Variants in CTH observed in about 807,000 individuals in gnomAD.
CTH encodes cystathionine gamma-lyase.
Under a neutral mutation model 50.6 loss-of-function variants are expected in CTH, and 41 were observed. That is an observed-to-expected ratio of 0.81 (90% CI 0.63 to 1.05). CTH has a LOEUF of 1.05. CTH is among the 50% of genes least tolerant of loss of function. CTH has a pLI of 0.00. For synonymous variants in CTH, 156 were observed against 168.9 expected (o/e 0.92, Z 0.59); for missense variants, 470 against 492.6 (o/e 0.95, Z 0.43).
chr1:70,438,680 T>G lies in CTH; in HGVS notation c.1053-8T>G. ...AGTGATCAAAAATTTGCTCATGTCT[T>G]CTTTCAGGGCAATCATGACTCATGC... is the stretch of plus-strand genomic sequence containing the variant. On this transcript the variant is annotated splice_polypyrimidine_tract_variant and splice_region_variant and intron_variant, in intron 10 of 11. Transcript: ENST00000370938. 1.2e-6 allele frequency: 2 copies of G among 1,614,116 alleles called. No individual in the cohort carries two copies. The highest frequency in any genetic ancestry group is 4.5e-5 in the East Asian group (2 of 44,870).
intron 10 of CTH, among the ~76,000 whole-genome samples, chr1:70,435,675 T>C (rs904724840): frequency 3.3e-5 from 5 of 152,014 alleles, no homozygotes; most frequent in African/African-American, 1.2e-4. Context: ...TGTCTTCATG[T>C]TGTGTACAAG....
chr1:70,438,801 A>G lies in CTH; in HGVS notation c.1166A>G (p.Asp389Gly). The G allele has an allele frequency of 6.2e-7, 1 of 1,613,748 alleles. No homozygotes were observed. The highest frequency in any genetic ancestry group is 8.5e-7 in the Non-Finnish European group (1 of 1,179,976). The change falls in exon 11 of 12, where the codon GAT (aspartate) becomes GGT (glycine). Residue 389 changes from aspartate to glycine, a missense_variant. Coordinates refer to ENST00000370938, the MANE Select transcript of CTH (RefSeq NM_001902.6). ...GLEDEEDLLEDLDQALKAAHP... is the reference protein window; with the variant it reads ...GLEDEEDLLEGLDQALKAAHP... ...GAGGATGAGGAAGACCTACTGGAAG[A>G]TCTAGATCAAGCTTTGAAGGCAGCA...
At chr1:70,417,485 C>T (rs1375087187) in intron 2 of CTH, among the ~76,000 whole-genome samples, 12 of 151,632 alleles carry the variant, frequency 7.9e-5, no homozygotes, top group Admixed American at 7.9e-4. Context: ...GAGTTTCACC[C>T]TGTTGGCCAG....
chr1:70,411,849 T>G (rs1683972586), intron 1 of CTH, among the ~76,000 whole-genome samples: 1 of 152,180 alleles, frequency 6.6e-6, no homozygotes, highest in Non-Finnish European at 1.5e-5. Context: ...TTTGACAAAT[T>G]TGCAATTAAA....
chr1:70,427,347 C>A (rs1684366931), intron 5 of CTH, among the ~76,000 whole-genome samples: 1 of 152,108 alleles, frequency 6.6e-6, no homozygotes, highest in Admixed American at 6.6e-5. Flanking sequence ...CCTTTCCTCA[C>A]CTGTATGATG....
intron 4 of CTH, among the ~76,000 whole-genome samples, 200 bp from the exon 5 acceptor site, chr1:70,424,085 A>G (rs1326592623): frequency 6.6e-6 from 1 of 152,210 alleles, no homozygotes; most frequent in East Asian, 1.9e-4. Flanking sequence ...CAACCCAATT[A>G]TACAGATCAA....
At chr1:70,432,267 T>C (rs374972351) in intron 8 of CTH, 32 bp downstream of exon 8, 2 of 1,611,678 alleles carry the variant, frequency 1.2e-6, no homozygotes, top group African/African-American at 1.3e-5. Flanking sequence ...GCAGATCTAC[T>C]AGGATTTCAG....
Position 70,430,302 on chromosome 1 carries a change from GT to G in CTH, c.647-9del. ...AACTGAAATTTTTGTTTGTTTGTTT[GT>G]TTTTTGTTTTTAGGCCACAGTGATG... On this transcript the variant is annotated splice_polypyrimidine_tract_variant and intron_variant, in intron 6 of 11. Transcript: ENST00000370938. The G allele has an allele frequency of 6.7e-7, 1 of 1,493,732 alleles. No individual in the cohort carries two copies. Among genetic ancestry groups the G allele is most frequent in the Non-Finnish European group, 9.3e-7 (1 of 1,071,304 alleles). 92.5% of individuals were successfully genotyped at this position (1,493,732 alleles called of 1,614,324 possible). A position where few individuals can be genotyped will look rare whatever the true frequency, so the allele number is the denominator to read the frequency against.
intron 5 of CTH, among the ~76,000 whole-genome samples, chr1:70,429,230 A>AT (rs1203391539): frequency 1.3e-5 from 2 of 152,128 alleles, no homozygotes; most frequent in East Asian, 1.9e-4. Context: ...TTTTCCAAGT[A>AT]TTTTTTTACC....
intron 5 of CTH, among the ~76,000 whole-genome samples, chr1:70,426,252 C>G (rs1366276637): frequency 6.6e-6 from 1 of 152,152 alleles, no homozygotes; most frequent in Non-Finnish European, 1.5e-5. Context: ...CCCTCTCTTT[C>G]CTCTGAGTAA....
Position 70,416,130 on chromosome 1 carries a change from T to C in CTH, c.250+93T>C, listed in dbSNP as rs1305376802. 12 of 824,270 alleles carry C rather than the reference T, an allele frequency of 1.5e-5. No individual in the cohort carries two copies. In the East Asian group the frequency reaches 3.1e-4, roughly 21 times the overall value. The allele number at this position is 824,270 out of a possible 1,614,324, so 51.1% of individuals were successfully genotyped here. On this transcript the variant is annotated intron_variant, in intron 2 of 11. Coordinates refer to ENST00000370938, the MANE Select transcript of CTH (RefSeq NM_001902.6). ...GAATGTGGAACTGAAAAGAAACAGA[T>C]TTGCTAGTTCAAAATTCCTGTTCTA...
chr1:70,416,100 G>T, intron 2 of CTH, 63 bp downstream of exon 2: 3 of 982,296 alleles, frequency 3.1e-6, no homozygotes, highest in Non-Finnish European at 3.3e-6. Context: ...AACCATAGAG[G>T]CACAGAATGT....
intron 2 of CTH, 135 bp from the exon 3 acceptor site, chr1:70,417,802 T>A: frequency 1.3e-6 from 1 of 797,468 alleles, no homozygotes; most frequent in Non-Finnish European, 2.1e-6. Flanking sequence ...TGTAATGGTA[T>A]TAATCAGGGG....
intron 5 of CTH, among the ~76,000 whole-genome samples, chr1:70,427,253 A>G (rs1238708839): frequency 1.3e-5 from 2 of 152,094 alleles, no homozygotes; most frequent in Non-Finnish European, 2.9e-5. Flanking sequence ...TCAGAGTAGC[A>G]CCTCTGGAGT....
intron 10 of CTH, among the ~76,000 whole-genome samples, chr1:70,436,912 T>A (rs1684610165): frequency 6.6e-6 from 1 of 152,198 alleles, no homozygotes; most frequent in African/African-American, 2.4e-5. Flanking sequence ...TAAAGTTGCT[T>A]GGCCCCCAGA....
intron 4 of CTH, among the ~76,000 whole-genome samples, chr1:70,421,880 G>T (rs546882245): frequency 1.2e-3 from 188 of 152,296 alleles, no homozygotes; most frequent in African/African-American, 4.3e-3. Flanking sequence ...AATTCAAATT[G>T]TGATTCTGTT....
chr1:70,429,917 G>C, intron 6 of CTH, 66 bp downstream of exon 6: 1 of 1,136,450 alleles, frequency 8.8e-7, no homozygotes, highest in Non-Finnish European at 1.3e-6. Flanking sequence ...CTTGGCTTTT[G>C]ATCCCTTTTC....
intron 1 of CTH, among the ~76,000 whole-genome samples, chr1:70,414,083 G>GA (rs1684034489): frequency 6.6e-6 from 1 of 151,850 alleles, no homozygotes. Context: ...AGCTGAATGA[G>GA]AAACGGGAGG....
At chr1:70,422,058 T>TA (rs1053391417) in intron 4 of CTH, among the ~76,000 whole-genome samples, 28 of 152,208 alleles carry the variant, frequency 1.8e-4, no homozygotes, top group African/African-American at 6.5e-4. Flanking sequence ...TGGTAATTGT[T>TA]AAAAAAATTT....
Sources: allele counts gnomAD v4.1 joint callset (sites outside exome capture counted in the v4.1 genomes callset), GRCh38; gene constraint gnomAD v4.1.1; transcripts MANE v1.5; gene names NCBI Gene and HGNC (gene_info 2026-07-23, HGNC 2026-07-21).